Variants in URB2 observed in about 807,000 individuals in gnomAD.
The protein encoded by URB2 is unhealthy ribosome biogenesis protein 2 homolog.
In URB2, 86 loss-of-function variants were observed where a neutral mutation model predicts 120.9. The observed-to-expected ratio is 0.71, with a 90% CI of 0.60 to 0.85. URB2 has a LOEUF of 0.85. Ranked by LOEUF, URB2 falls within the 40% of genes least tolerant of loss-of-function variation. The pLI, the probability that URB2 is intolerant of heterozygous loss-of-function variation, is 0.00. For missense variants in URB2, 1,765 were observed against 1,836.5 expected, an observed-to-expected ratio of 0.96 and a Z score of 0.71; for synonymous variants, 755 against 758.4, an observed-to-expected ratio of 1.00 and a Z score of 0.07.
At position 229,637,621 on chromosome 1, in the gene URB2, C is replaced by T. The variant is rs148305729; in HGVS notation, c.3008C>T (p.Thr1003Met). 69 of 1,614,120 alleles carry T rather than the reference C, an allele frequency of 4.3e-5. No homozygotes were observed. The African/African-American group carries it at 6.9e-4, about 16-fold the overall frequency. Residue 1003 changes from threonine (T) to methionine (M), a missense_variant, in exon 4 of 10, where the codon ACG becomes ATG. Transcript: ENST00000258243. ...CTGGAATTCCTCCAAGTGATAGGGA[C>T]GTTCTTAGAGGAGCTAATGCAGATG... is the stretch of plus-strand genomic sequence containing the variant. The part of the protein sequence containing the change: ...AWLEFLQVIG[T>M]FLEELMQMLI...
intron 7 of URB2, among the ~76,000 whole-genome samples, chr1:229,649,623 G>C (rs952425981): frequency 6.6e-6 from 1 of 152,172 alleles, no homozygotes. Flanking sequence ...TAGGGAATCT[G>C]ATGGATGATC....
intron 4 of URB2, among the ~76,000 whole-genome samples, chr1:229,638,731 A>G (rs963885927): frequency 6.6e-6 from 1 of 151,904 alleles, no homozygotes; most frequent in African/African-American, 2.4e-5. Flanking sequence ...CTCTATTTAC[A>G]TTCTAGGCGT....
rs1666007294 is a variant in URB2 at position 229,641,315 on chromosome 1, G to A, written c.3635-2218G>A. ...GGCATAAGCCACCGTGCCTGGCCAA[G>A]TTGAGGCAGTCTTTAAGTCCTAAGT... is the stretch of plus-strand genomic sequence containing the variant. On this transcript the variant is annotated intron_variant, in intron 4 of 9. Coordinates refer to ENST00000258243, the MANE Select transcript of URB2 (RefSeq NM_014777.4). 2.0e-5 allele frequency among the ~76,000 whole-genome samples: 3 copies of A among 152,150 alleles called. 1 individual carries two copies. The highest frequency in any genetic ancestry group is 2.4e-5 in the African/African-American group (1 of 41,434).
chr1:229,655,168 A>G (rs1287692346), intron 9 of URB2, among the ~76,000 whole-genome samples: 1 of 152,224 alleles, frequency 6.6e-6, no homozygotes, highest in Non-Finnish European at 1.5e-5. Context: ...AGATTAAGAA[A>G]AAACATGTTT....
At chr1:229,639,975 A>G (rs957324168) in intron 4 of URB2, among the ~76,000 whole-genome samples, 5 of 152,242 alleles carry the variant, frequency 3.3e-5, no homozygotes, top group Non-Finnish European at 5.9e-5. Context: ...AGAAATATCT[A>G]GAAAATATTA....
In URB2 at chr1:229,635,551, A is replaced by T. The variant is rs1442690703; in HGVS notation, c.938A>T (p.Asp313Val). 1 of 1,613,860 alleles carries T rather than the reference A, an allele frequency of 6.2e-7. No homozygotes were observed. Among genetic ancestry groups the T allele is most frequent in the Non-Finnish European group, 8.5e-7 (1 of 1,180,010 alleles). Residue 313 changes from aspartate to valine, a missense_variant, in exon 4 of 10, where the codon GAT becomes GTT. Coordinates refer to ENST00000258243, the MANE Select transcript of URB2 (RefSeq NM_014777.4). ...GCCTTGCTGTATAAGCTCTTTCTAG[A>T]TTCTTACTTTAAGGAGGGAAACCAG... is the stretch of plus-strand genomic sequence containing the variant. ...SVALLYKLFL[D>V]SYFKEGNQLL...
At chr1:229,638,428 A>G (rs1665912955) in intron 4 of URB2, among the ~76,000 whole-genome samples, 181 bp downstream of exon 4, 2 of 151,834 alleles carry the variant, frequency 1.3e-5, no homozygotes, top group Admixed American at 6.6e-5. Flanking sequence ...GGCGGATCAC[A>G]AGGCCAGGAG....
At chr1:229,654,157 A>G in intron 8 of URB2, 92 bp from the exon 9 acceptor site, 4 of 1,551,180 alleles carry the variant, frequency 2.6e-6, no homozygotes, top group Non-Finnish European at 3.5e-6. Flanking sequence ...AACACTTGAG[A>G]TAATTTTCAC....
intron 2 of URB2, 141 bp downstream of exon 2, chr1:229,627,900 T>C: frequency 3.6e-6 from 4 of 1,102,806 alleles, no homozygotes; most frequent in Non-Finnish European, 4.9e-6. Flanking sequence ...AAATGTAATG[T>C]CAATGAAAAA....
intron 4 of URB2, among the ~76,000 whole-genome samples, chr1:229,642,192 C>G (rs1666028759): frequency 6.6e-6 from 1 of 152,076 alleles, no homozygotes; most frequent in Non-Finnish European, 1.5e-5. Flanking sequence ...GGTGGAGAGG[C>G]CACATACAGG....
rs138540419 is a variant in URB2 at position 229,632,404 on chromosome 1, A to T, written c.262A>T (p.Lys88Ter). The change falls in exon 3 of 10, where the codon AAG becomes TAG. Residue 88 changes from lysine to a stop codon, truncating the protein, a stop_gained. Transcript: ENST00000258243. LOFTEE classifies it high-confidence loss of function. The part of the protein sequence containing the change: ...LHSRKLQNLL[K>*]NGKTINLQIS... The stretch of plus-strand genomic sequence containing the variant: ...TAGCAGAAAATTGCAGAATCTCCTC[A>T]AGAATGGAAAGACCATTAATCTTCA... 38 of 1,579,194 alleles carry T rather than the reference A, an allele frequency of 2.4e-5. No individual in the cohort carries two copies. Among genetic ancestry groups the T allele is most frequent in the Non-Finnish European group, 3.3e-5 (38 of 1,168,388 alleles).
Position 229,637,910 on chromosome 1 carries a change from G to A in URB2, c.3297G>A (p.Leu1099=), listed in dbSNP as rs1028448787. Residue 1099 remains leucine, a synonymous_variant, in exon 4 of 10, where the codon CTG becomes CTA. Transcript: ENST00000258243. The part of the protein sequence containing the change: ...QQVVLQTGAV[L]QLCSVPGARG... ...TTGTGCTGCAGACAGGAGCTGTGCT[G>A]CAGCTCTGCTCAGTGCCGGGGGCCC... 2.5e-6 allele frequency: 4 copies of A among 1,609,532 alleles called. No individual in the cohort carries two copies. Among genetic ancestry groups the A allele is most frequent in the Non-Finnish European group, 3.4e-6 (4 of 1,178,202 alleles).
intron 2 of URB2, among the ~76,000 whole-genome samples, chr1:229,628,167 G>GTATGTATGTATATAATATATATAA (rs1558160117): frequency 8.6e-6 from 1 of 116,096 alleles, no homozygotes; most frequent in African/African-American, 3.1e-5. Flanking sequence ...TATATGTATA[G>GTATGTATGTATATAATATATATAA]TATATATGTA....
At chr1:229,630,435 C>A (rs1665629629) in intron 2 of URB2, among the ~76,000 whole-genome samples, 1 of 152,194 alleles carries the variant, frequency 6.6e-6, no homozygotes, top group African/African-American at 2.4e-5. Context: ...TCTTTTTGTT[C>A]TGATCAGTCT....
chr1:229,640,293 A>G (rs533884560), intron 4 of URB2, among the ~76,000 whole-genome samples: 1 of 152,320 alleles, frequency 6.6e-6, no homozygotes, highest in South Asian at 2.1e-4. Flanking sequence ...GAGTTTGTTG[A>G]GGTTTTCCTC....
rs752140875 is a variant in URB2, at chr1:229,638,119, C to A, written c.3506C>A (p.Ala1169Glu). 5 of 1,614,196 alleles carry A rather than the reference C, an allele frequency of 3.1e-6. 1 individual carries two copies. Among genetic ancestry groups the A allele is most frequent in the Non-Finnish European group, 4.2e-6 (5 of 1,180,038 alleles). Residue 1169 changes from alanine to glutamate, a missense_variant, in exon 4 of 10, where the codon GCG (alanine) becomes GAG (glutamate). Transcript: ENST00000258243. The part of the protein sequence containing the change: ...SQILLELPAL[A>E]GHDQSFQAAL... ...ATACTGTTGGAGTTGCCAGCTCTCGCGGGACATGATCAGTCTTTTCAGGCA... is the reference window on the plus strand; with the variant it reads ...ATACTGTTGGAGTTGCCAGCTCTCGAGGGACATGATCAGTCTTTTCAGGCA...
chr1:229,627,866 G>T lies in URB2; in HGVS notation c.126+107G>T, dbSNP rs145291606. The T allele has an allele frequency of 3.7e-6, 5 of 1,354,894 alleles. No homozygotes were observed. The Admixed American group carries it at 1.1e-4, about 30-fold the overall frequency. The allele number at this position is 1,354,894 out of a possible 1,614,324, so 83.9% of individuals were successfully genotyped here. On this transcript the variant is annotated intron_variant, in intron 2 of 9. Transcript: ENST00000258243. Reference sequence around the variant, plus strand: ...AAAATAAAAAAATAGAGAAAAAGTTGGGGAGGGAACTTTGTTGGAAGTTAA... The same window carrying T: ...AAAATAAAAAAATAGAGAAAAAGTTTGGGAGGGAACTTTGTTGGAAGTTAA...
In URB2 at chr1:229,659,232, C is replaced by T. The variant is rs1666468343; in HGVS notation, c.4510C>T (p.Leu1504Phe). ...QPGMRDIFKE[L>F]YNDYLKYHKA... ...GGGAATGAGAGACATCTTTAAGGAG[C>T]TCTATAATGACTATCTCAAGTACCA... Residue 1504 changes from leucine to phenylalanine, a missense_variant, in exon 10 of 10, where the codon CTC becomes TTC. Leu to Phe is a conservative substitution (Grantham distance 22). Transcript: ENST00000258243. 5 of 1,614,016 alleles carry T rather than the reference C, an allele frequency of 3.1e-6. No homozygotes were observed. In the East Asian group the frequency reaches 1.1e-4, roughly 36 times the overall value.
rs570285230 is a variant in URB2 at position 229,635,965 on chromosome 1, C to T, written c.1352C>T (p.Ala451Val). 179 of 1,614,170 alleles carry T rather than the reference C, an allele frequency of 1.1e-4. 3 individuals carry two copies. In the South Asian group the frequency reaches 1.4e-3, roughly 12 times the overall value. ...TTTCGAACCAAAAAAGCCCAGGAGG[C>T]GCTTATTCGTACTGTCTTCCAGACT... is the stretch of plus-strand genomic sequence containing the variant. ...TEFRTKKAQE[A>V]LIRTVFQTYA... Residue 451 changes from alanine to valine, a missense_variant, in exon 4 of 10, where the codon GCG becomes GTG. Coordinates refer to ENST00000258243, the MANE Select transcript of URB2 (RefSeq NM_014777.4).
Sources: gnomAD v4.1 joint callset for allele counts (sites outside exome capture counted in the v4.1 genomes callset) on GRCh38, gnomAD v4.1.1 for gene constraint, MANE v1.5 for transcripts, NCBI Gene and HGNC (gene_info 2026-07-23, HGNC 2026-07-21) for gene names.